The following SPRY3 variants were observed in gnomAD, a reference collection of about 807,000 sequenced individuals.
The protein encoded by SPRY3 is sprouty RTK signaling antagonist 3.
In SPRY3, 15 loss-of-function variants were observed where a neutral mutation model predicts 20.2. The observed-to-expected ratio is 0.74, with a 90% confidence interval of 0.50 to 1.14. The LOEUF (loss-of-function observed/expected upper bound fraction) is 1.14, where lower values mean the gene tolerates loss of function less well. Among genes scored for constraint, SPRY3 ranks in the 50% most tolerant of loss-of-function variants. The probability of loss-of-function intolerance (pLI) is 0.00; values close to 1 mark genes in which losing one functional copy is unlikely to be tolerated. For missense variants in SPRY3, 364 were observed against 363.9 expected (o/e 1.00, Z 0.00); for synonymous variants, 143 against 136.5 (o/e 1.05, Z -0.33).
intron 2 of SPRY3, among the ~76,000 whole-genome samples, chrX:155,750,955 A>T (rs1223253586): frequency 1.3e-5 from 2 of 151,888 alleles, no homozygotes; most frequent in Admixed American, 1.3e-4. Context: ...AGGGAAAAGA[A>T]GTTAATGGTA....
intron 3 of SPRY3, among the ~76,000 whole-genome samples, chrX:155,769,156 A>G (rs1166068321): frequency 1.3e-5 from 2 of 152,196 alleles, no homozygotes; most frequent in African/African-American, 2.4e-5. Context: ...AGACATTACT[A>G]TAACATTCTA....
intron 2 of SPRY3, among the ~76,000 whole-genome samples, chrX:155,695,913 AT>A (rs1442371455): frequency 9.0e-6 from 1 of 111,034 alleles, no homozygotes; most frequent in African/African-American, 3.3e-5. Flanking sequence ...TCATATGACA[AT>A]TTTAACATCT....
chrX:155,771,468 C>G (rs1397843039), intron 3 of SPRY3, among the ~76,000 whole-genome samples: 1 of 152,096 alleles, frequency 6.6e-6, no homozygotes, highest in Non-Finnish European at 1.5e-5. Flanking sequence ...TGTTTTGAAT[C>G]TAGTTTCCTT....
At chrX:155,707,437 A>T (rs917867465) in intron 2 of SPRY3, among the ~76,000 whole-genome samples, 1 of 151,326 alleles carries the variant, frequency 6.6e-6, no homozygotes, top group African/African-American at 2.4e-5. Context: ...TTGCTTCAAT[A>T]AAATGTGTAT....
At chrX:155,720,450 G>A (rs558556) in intron 2 of SPRY3, among the ~76,000 whole-genome samples, 77,188 of 151,774 alleles carry the variant, frequency 0.51, 18,669 homozygotes, top group African/African-American at 0.69. Flanking sequence ...TCTTGAGCAA[G>A]CATAGGCATT....
At chrX:155,714,948 A>C (rs1010228232) in intron 2 of SPRY3, among the ~76,000 whole-genome samples, 1 of 152,000 alleles carries the variant, frequency 6.6e-6, no homozygotes, top group African/African-American at 2.4e-5. Context: ...GAATGCTGCC[A>C]TTCCTGGGAC....
chrX:155,743,333 G>C (rs767975117), intron 2 of SPRY3, among the ~76,000 whole-genome samples: 2 of 152,144 alleles, frequency 1.3e-5, no homozygotes, highest in African/African-American at 4.8e-5. Flanking sequence ...CTCTGAATTA[G>C]TTCTGGGGAT....
chrX:155,704,243 A>G, intron 2 of SPRY3, among the ~76,000 whole-genome samples: 1 of 151,892 alleles, frequency 6.6e-6, no homozygotes, highest in East Asian at 1.9e-4. Flanking sequence ...ATGAGTAATT[A>G]GTTAAATGTT....
chrX:155,618,140 A>G (rs1180857149), intron 1 of SPRY3, among the ~76,000 whole-genome samples: 4 of 112,108 alleles, frequency 3.6e-5, no homozygotes, highest in Admixed American at 2.8e-4. Flanking sequence ...TTCCATTGCC[A>G]CAAGCTTTCT....
chrX:155,751,145 C>T (rs762878944), intron 2 of SPRY3, among the ~76,000 whole-genome samples: 2 of 151,868 alleles, frequency 1.3e-5, no homozygotes, highest in African/African-American at 2.4e-5. Flanking sequence ...GCAGAAAAGA[C>T]AGGAAAAGAT....
chrX:155,655,177 G>T (rs1472086186), intron 1 of SPRY3, among the ~76,000 whole-genome samples: 1 of 111,428 alleles, frequency 9.0e-6, no homozygotes. Context: ...AAAAATGTCT[G>T]TTGTGTCCTT....
chrX:155,667,478 A>G (rs1349459267), intron 2 of SPRY3, among the ~76,000 whole-genome samples: 1 of 111,141 alleles, frequency 9.0e-6, no homozygotes, highest in Non-Finnish European at 1.9e-5. Flanking sequence ...TACTATAATA[A>G]GTTGAAAGGA....
At chrX:155,767,210 A>G (rs1250543845) in intron 2 of SPRY3, among the ~76,000 whole-genome samples, 1 of 151,924 alleles carries the variant, frequency 6.6e-6, no homozygotes, top group Admixed American at 6.6e-5. Flanking sequence ...GCTCCGGGAA[A>G]GCCAACGACA....
intron 1 of SPRY3, among the ~76,000 whole-genome samples, chrX:155,645,834 T>C (rs2067955988): frequency 8.9e-6 from 1 of 111,938 alleles, no homozygotes; most frequent in Admixed American, 9.5e-5. Context: ...CTTCTTTGTG[T>C]GCAGGTAATT....
chrX:155,683,745 A>G lies in SPRY3; in HGVS notation c.-282+26720A>G, dbSNP rs772775129. Reference sequence around the variant, plus strand: ...AGATGTAAATTTAGGAGCCATTGGCATATAGACAGTAATAATAATTTTGAT... The same window carrying G: ...AGATGTAAATTTAGGAGCCATTGGCGTATAGACAGTAATAATAATTTTGAT... On this transcript the variant is annotated intron_variant, in intron 2 of 3. Coordinates refer to ENST00000675360, the Ensembl canonical transcript of SPRY3. Among the ~76,000 whole-genome samples the G allele has an allele frequency of 7.1e-5, 8 of 112,052 alleles. 1 individual carries two copies. The Admixed American group carries it at 7.6e-4, about 11-fold the overall frequency.
chrX:155,635,603 G>C (rs966252632), intron 1 of SPRY3, among the ~76,000 whole-genome samples: 5 of 111,735 alleles, frequency 4.5e-5, no homozygotes, highest in Admixed American at 2.8e-4. Context: ...GCCAACAAAC[G>C]TATGAAAAAA....
chrX:155,734,173 T>A (rs1049951838), intron 2 of SPRY3, among the ~76,000 whole-genome samples: 36 of 152,122 alleles, frequency 2.4e-4, no homozygotes, highest in Non-Finnish European at 2.8e-4. Context: ...CCGACATGTC[T>A]TTTTTACTAA....
chrX:155,766,263 C>G (rs746106132), intron 2 of SPRY3, among the ~76,000 whole-genome samples: 1 of 152,084 alleles, frequency 6.6e-6, no homozygotes, highest in African/African-American at 2.4e-5. Flanking sequence ...TTTTAAATCT[C>G]ATTATTTCTT....
exon 3 of SPRY3, chrX:155,768,042 G>T (rs1480506755): frequency 6.6e-6 from 1 of 152,202 alleles, no homozygotes; most frequent in Non-Finnish European, 1.5e-5. Flanking sequence ...GAAGAGAGGT[G>T]GAGAAACCTA....
Sources: allele counts gnomAD v4.1 joint callset (sites outside exome capture counted in the v4.1 genomes callset), GRCh38; gene constraint gnomAD v4.1.1; transcripts MANE v1.5; gene names NCBI Gene and HGNC (gene_info 2026-07-23, HGNC 2026-07-21).